CNTN6: variants seen among roughly 807,000 people sequenced by gnomAD.
CNTN6 encodes contactin 6, also known as contactin-6.
A neutral mutation model predicts 122.8 loss-of-function variants in CNTN6; 137 were observed. The observed-to-expected ratio is 1.12, with a 90% confidence interval of 0.97 to 1.29. CNTN6 has a LOEUF of 1.29. Among genes scored for constraint, CNTN6 ranks in the 50% most tolerant of loss-of-function variants. CNTN6 has a pLI of 0.00. For synonymous variants in CNTN6, 570 were observed against 426.0 expected (o/e 1.34, Z -4.16); for missense variants, 1,634 against 1,223.4 (o/e 1.34, Z -5.01).
At chr3:1,305,002 A>C (rs1026977721) in intron 7 of CNTN6, among the ~76,000 whole-genome samples, 3 of 151,694 alleles carry the variant, frequency 2.0e-5, no homozygotes, top group African/African-American at 7.3e-5. Flanking sequence ...AAAAAAAAAA[A>C]AACAAAATTC....
At chr3:1,355,785 T>C (rs994189168) in intron 12 of CNTN6, among the ~76,000 whole-genome samples, 1 of 151,830 alleles carries the variant, frequency 6.6e-6, no homozygotes, top group Non-Finnish European at 1.5e-5. Context: ...TCAGCCTCTG[T>C]CATGCAAGAA....
chr3:1,321,557 T>C, intron 7 of CNTN6, 93 bp from the exon 8 acceptor site: 1 of 1,120,584 alleles, frequency 8.9e-7, no homozygotes, highest in Middle Eastern at 2.1e-4. Flanking sequence ...ATAGAATATT[T>C]TTCTTGAGAG....
At chr3:1,357,776 A>T (rs997536805) in intron 12 of CNTN6, among the ~76,000 whole-genome samples, 1 of 151,908 alleles carries the variant, frequency 6.6e-6, no homozygotes, top group Admixed American at 6.6e-5. Context: ...TTATATGTAC[A>T]TTTTTATATG....
intron 2 of CNTN6, among the ~76,000 whole-genome samples, chr3:1,166,344 G>T (rs2093247984): frequency 6.6e-6 from 1 of 152,100 alleles, no homozygotes; most frequent in Non-Finnish European, 1.5e-5. Flanking sequence ...GTACCCGGGA[G>T]TGCTGAGATC....
intron 5 of CNTN6, among the ~76,000 whole-genome samples, chr3:1,283,163 A>G (rs890349625): frequency 3.9e-5 from 6 of 152,120 alleles, no homozygotes; most frequent in Non-Finnish European, 8.8e-5. Context: ...TAGTAGAGAC[A>G]GGGTGGGTCT....
intron 7 of CNTN6, among the ~76,000 whole-genome samples, chr3:1,321,134 C>T: frequency 6.6e-6 from 1 of 151,444 alleles, no homozygotes; most frequent in East Asian, 1.9e-4. Flanking sequence ...TCTTCAGTTA[C>T]CTATTAGTAC....
chr3:1,284,401 T>C (rs1411456602), intron 5 of CNTN6, among the ~76,000 whole-genome samples: 1 of 152,170 alleles, frequency 6.6e-6, no homozygotes, highest in Non-Finnish European at 1.5e-5. Flanking sequence ...AGTGGGTAGG[T>C]CAAATTGGCA....
At chr3:1,314,949 G>C (rs776935641) in intron 7 of CNTN6, among the ~76,000 whole-genome samples, 2 of 151,980 alleles carry the variant, frequency 1.3e-5, no homozygotes, top group Admixed American at 6.6e-5. Context: ...CTTTGAATAA[G>C]AGAATTGCTT....
At chr3:1,387,528 G>C (rs892335902) in intron 20 of CNTN6, among the ~76,000 whole-genome samples, 1 of 152,234 alleles carries the variant, frequency 6.6e-6, no homozygotes, top group Non-Finnish European at 1.5e-5. Flanking sequence ...AGTTGACTGA[G>C]AGATGCCAAA....
At chr3:1,345,994 T>G (rs1019955205) in intron 11 of CNTN6, among the ~76,000 whole-genome samples, 1 of 152,178 alleles carries the variant, frequency 6.6e-6, no homozygotes, top group African/African-American at 2.4e-5. Flanking sequence ...TTTTTTTTTT[T>G]TTAGTTTAAG....
intron 12 of CNTN6, among the ~76,000 whole-genome samples, chr3:1,356,345 C>G (rs1706554737): frequency 6.6e-6 from 1 of 151,772 alleles, no homozygotes; most frequent in African/African-American, 2.4e-5. Context: ...CTTGGAAAAG[C>G]ATATCTAATG....
In CNTN6 at chr3:1,119,199, T is replaced by C. The variant is rs191795744; in HGVS notation, c.-83+26079T>C. Among the ~76,000 whole-genome samples, 626 of 152,098 alleles carry C rather than the reference T, an allele frequency of 4.1e-3. 8 individuals carry two copies. Among genetic ancestry groups the C allele is most frequent in the African/African-American group, 0.014 (593 of 41,514 alleles). On this transcript the variant is annotated intron_variant, in intron 1 of 22. Coordinates refer to ENST00000446702, the MANE Select transcript of CNTN6 (RefSeq NM_001289080.2). ...GTAACGTAGTGATTTCAGGTTTTTT[T>C]TTTTTAAGTTGGTAGATGTAGGTCA...
intron 1 of CNTN6, among the ~76,000 whole-genome samples, chr3:1,096,200 G>A (rs561110551): frequency 5.3e-5 from 8 of 152,014 alleles, no homozygotes; most frequent in South Asian, 2.1e-4. Context: ...TGCAATTTCC[G>A]TCATTGAATG....
chr3:1,388,345 G>C (rs1316258310), intron 20 of CNTN6, among the ~76,000 whole-genome samples: 1 of 146,254 alleles, frequency 6.8e-6, no homozygotes, highest in Non-Finnish European at 1.5e-5. Flanking sequence ...ACCTGAAGCT[G>C]AGGGTCCTGT....
chr3:1,296,907 T>G lies in CNTN6; in HGVS notation c.659-982T>G, dbSNP rs1696331046. 2.0e-5 allele frequency among the ~76,000 whole-genome samples: 3 copies of G among 152,228 alleles called. No individual in the cohort carries two copies. The South Asian group carries it at 6.2e-4, about 32-fold the overall frequency. On this transcript the variant is annotated intron_variant, in intron 6 of 22. Coordinates refer to ENST00000446702, the MANE Select transcript of CNTN6 (RefSeq NM_001289080.2). Reference sequence around the variant, plus strand: ...TCTGCTTCTTGCCTTCTTAATTCCTTCCTTCTTCTATCCCCTCTATTCCCT... The same window carrying G: ...TCTGCTTCTTGCCTTCTTAATTCCTGCCTTCTTCTATCCCCTCTATTCCCT...
At chr3:1,389,245 T>A (rs1693709660) in intron 20 of CNTN6, among the ~76,000 whole-genome samples, 1 of 151,584 alleles carries the variant, frequency 6.6e-6, no homozygotes, top group East Asian at 1.9e-4. Flanking sequence ...CAGAAGAGAG[T>A]GGGGGCCAAT....
chr3:1,239,407 A>G (rs2094456579), intron 4 of CNTN6, among the ~76,000 whole-genome samples: 1 of 151,154 alleles, frequency 6.6e-6, no homozygotes, highest in African/African-American at 2.4e-5. Flanking sequence ...CAAGAACTCC[A>G]CCCCTTTCAC....
intron 1 of CNTN6, among the ~76,000 whole-genome samples, chr3:1,098,123 A>C (rs2090634682): frequency 6.6e-6 from 1 of 152,020 alleles, no homozygotes; most frequent in Non-Finnish European, 1.5e-5. Context: ...ATTGGGAGAT[A>C]TACCTAATGC....
intron 1 of CNTN6, among the ~76,000 whole-genome samples, chr3:1,122,337 C>A (rs1028861624): frequency 3.6e-5 from 4 of 111,734 alleles, no homozygotes; most frequent in Admixed American, 8.8e-5. Context: ...GAAGGGAGGG[C>A]GAGAGAGAGG....
Sources: gnomAD v4.1 joint callset for allele counts (sites outside exome capture counted in the v4.1 genomes callset) on GRCh38, gnomAD v4.1.1 for gene constraint, MANE v1.5 for transcripts, NCBI Gene and HGNC (gene_info 2026-07-23, HGNC 2026-07-21) for gene names.